ORC3: variants seen among roughly 807,000 people sequenced by gnomAD.
ORC3 encodes homolog of latheo, Drosophila.
In ORC3, 78 loss-of-function variants were observed where a neutral mutation model predicts 100.7. That is an observed-to-expected ratio of 0.77 (90% confidence interval 0.65 to 0.94). The LOEUF (loss-of-function observed/expected upper bound fraction) is 0.94, where lower values mean the gene tolerates loss of function less well. Among genes scored for constraint, ORC3 ranks in the 40% least tolerant of loss-of-function variants. ORC3 has a pLI of 0.00. For missense variants in ORC3, 789 were observed against 823.9 expected (o/e 0.96, Z 0.52); for synonymous variants, 295 against 289.3 (o/e 1.02, Z -0.20).
At chr6:87,591,792 C>T (rs1269485988) in intron 1 of ORC3, among the ~76,000 whole-genome samples, 5 of 152,038 alleles carry the variant, frequency 3.3e-5, no homozygotes, top group Non-Finnish European at 5.9e-5. Flanking sequence ...AGTGCAGTGG[C>T]GCGATCTCGG....
chr6:87,673,299 T>G, the ORC3 span, among the ~76,000 whole-genome samples: 1 of 151,806 alleles, frequency 6.6e-6, no homozygotes, highest in African/African-American at 2.4e-5. Flanking sequence ...TAGCTGGGAC[T>G]ACAGGCTATC....
chr6:87,611,578 G>A lies in ORC3; in HGVS notation c.714-511G>A, dbSNP rs964910478. Among the ~76,000 whole-genome samples, 66 of 152,260 alleles carry A rather than the reference G, an allele frequency of 4.3e-4. 1 individual carries two copies. Among genetic ancestry groups the A allele is most frequent in the African/African-American group, 1.6e-3 (65 of 41,562 alleles). ...GAAGTGGGTGGATCACATGAAGTCA[G>A]GAGTTTGAGACCAGCCTGACCAATA... On this transcript the variant is annotated intron_variant, in intron 7 of 19. Coordinates refer to ENST00000392844, the MANE Select transcript of ORC3 (RefSeq NM_012381.4).
chr6:87,630,107 C>G (rs528484292), intron 11 of ORC3, among the ~76,000 whole-genome samples: 1 of 152,206 alleles, frequency 6.6e-6, no homozygotes, highest in Admixed American at 6.5e-5. Flanking sequence ...CCACATCCAG[C>G]AAGACAAAAT....
intron 8 of ORC3, among the ~76,000 whole-genome samples, chr6:87,613,886 T>A (rs908657906): frequency 6.6e-6 from 1 of 152,196 alleles, no homozygotes; most frequent in East Asian, 1.9e-4. Context: ...CTTCATGGGC[T>A]GGTGTTAAGT....
intron 9 of ORC3, 125 bp downstream of exon 9, chr6:87,616,552 A>C (rs1779166498): frequency 2.0e-6 from 1 of 503,986 alleles, no homozygotes; most frequent in African/African-American, 1.9e-5. Context: ...AATTCCAGTT[A>C]TTTTATTCTA....
chr6:87,653,177 T>TA lies in ORC3; in HGVS notation c.1445dup (p.Tyr482Ter). 6.2e-7 allele frequency: 1 copy of TA among 1,613,748 alleles called. No homozygotes were observed. Among genetic ancestry groups the TA allele is most frequent in the Non-Finnish European group, 8.5e-7 (1 of 1,179,652 alleles). ...LEKCFKVFKS[Y>*]CENHLGSTAK... ...GAAATGTTTCAAGGTTTTTAAGTCTTATTGTGAAAACCACCTTGGCAGCAC... is the reference window on the plus strand; with the variant it reads ...GAAATGTTTCAAGGTTTTTAAGTCTTAATTGTGAAAACCACCTTGGCAGCAC... Residue 482 changes from tyrosine (Y) to a stop codon, truncating the protein, a stop_gained and frameshift_variant, in exon 14 of 20, where the codon TAT (tyrosine) becomes TAAT (stop). Transcript: ENST00000392844. LOFTEE classifies it high-confidence loss of function.
chr6:87,644,847 C>CA (rs754822101), intron 13 of ORC3, among the ~76,000 whole-genome samples: 5,490 of 136,534 alleles, frequency 0.04, 178 homozygotes, highest in African/African-American at 0.097. Flanking sequence ...AGACTCCATC[C>CA]AAAAAAAAAA....
In ORC3 at chr6:87,608,301, TTAAGTAAAGTATGTTAGACAAACAGA is replaced by T. The variant is rs1778495396; in HGVS notation, c.579+486_579+511del. On this transcript the variant is annotated intron_variant, in intron 6 of 19. Coordinates refer to ENST00000392844, the MANE Select transcript of ORC3 (RefSeq NM_012381.4). ...AGAGTTCTTAGGGAATCAGTGTTCTTTAAGTAAAGTATGTTAGACAAACAGATAAGTAAAAAGAAGTTCCATTCTAC... is the reference window on the plus strand; with the variant it reads ...AGAGTTCTTAGGGAATCAGTGTTCTTTAAGTAAAAAGAAGTTCCATTCTAC... Among the ~76,000 whole-genome samples, 8 of 152,330 alleles carry T rather than the reference TTAAGTAAAGTATGTTAGACAAACAGA, an allele frequency of 5.3e-5. No individual in the cohort carries two copies. The South Asian group carries it at 1.7e-3, about 32-fold the overall frequency.
chr6:87,603,256 A>G (rs1778097652), intron 3 of ORC3, 128 bp from the exon 4 acceptor site: 4 of 530,376 alleles, frequency 7.5e-6, no homozygotes, highest in East Asian at 3.0e-5. Flanking sequence ...AGGAAAAAAC[A>G]TTTTTTAATT....
In ORC3 at chr6:87,663,111, T is replaced by C. The variant is rs1770329126; in HGVS notation, c.1800T>C (p.His600=). Residue 600 remains histidine, a synonymous_variant, in exon 17 of 20, where the codon CAT becomes CAC. Coordinates refer to ENST00000392844, the MANE Select transcript of ORC3 (RefSeq NM_012381.4). ...HLNAAPRIAL[H]TALNNPYYYL... is the part of the protein sequence containing the mutation. ...ATGCTGCTCCGCGAATTGCCCTCCA[T>C]ACTGCACTCAACAATCCTTACTATT... 6.2e-7 allele frequency: 1 copy of C among 1,612,860 alleles called. No individual in the cohort carries two copies. Among genetic ancestry groups the C allele is most frequent in the African/African-American group, 1.3e-5 (1 of 74,890 alleles).
intron 11 of ORC3, among the ~76,000 whole-genome samples, chr6:87,622,349 G>A (rs1399577373): frequency 6.6e-6 from 1 of 152,052 alleles, no homozygotes; most frequent in East Asian, 1.9e-4. Flanking sequence ...TCGTTGTAAT[G>A]TTCTTTTTAA....
At chr6:87,639,747 A>G (rs186650142) in intron 13 of ORC3, among the ~76,000 whole-genome samples, 63 of 149,618 alleles carry the variant, frequency 4.2e-4, no homozygotes, top group Non-Finnish European at 6.8e-4. Flanking sequence ...TGGGAGGCCA[A>G]GGTGGGCGGA....
chr6:87,643,873 A>G (rs548478282), intron 13 of ORC3, among the ~76,000 whole-genome samples: 1 of 152,216 alleles, frequency 6.6e-6, no homozygotes, highest in African/African-American at 2.4e-5. Context: ...ATCCTCCCAT[A>G]TATTTTAAAT....
At chr6:87,611,135 C>A (rs1279210974) in intron 7 of ORC3, among the ~76,000 whole-genome samples, 3 of 151,686 alleles carry the variant, frequency 2.0e-5, no homozygotes, top group African/African-American at 7.3e-5. Context: ...TGGGGTTTTG[C>A]CGTGTTGCCC....
intron 16 of ORC3, among the ~76,000 whole-genome samples, chr6:87,658,390 G>A (rs1273180222): frequency 2.0e-5 from 3 of 151,516 alleles, no homozygotes; most frequent in Admixed American, 2.0e-4. Flanking sequence ...CCAGGAGGCG[G>A]AGCTTGCAGT....
At chr6:87,651,669 G>T (rs1769280081) in intron 13 of ORC3, among the ~76,000 whole-genome samples, 1 of 152,160 alleles carries the variant, frequency 6.6e-6, no homozygotes, top group African/African-American at 2.4e-5. Context: ...GCCATATTTA[G>T]TGGTTGTCTA....
chr6:87,640,400 G>A (rs560182406), intron 13 of ORC3, among the ~76,000 whole-genome samples: 9 of 152,316 alleles, frequency 5.9e-5, no homozygotes, highest in Admixed American at 2.0e-4. Flanking sequence ...GAGCATGCAA[G>A]TGTTCATTTA....
At chr6:87,605,542 C>G (rs982698061) in intron 4 of ORC3, among the ~76,000 whole-genome samples, 6 of 151,718 alleles carry the variant, frequency 4.0e-5, no homozygotes, top group African/African-American at 1.5e-4. Context: ...TCCAGCTACT[C>G]AGGAGGCTGA....
intron 13 of ORC3, among the ~76,000 whole-genome samples, chr6:87,639,459 A>C (rs1192939609): frequency 6.6e-6 from 1 of 152,148 alleles, no homozygotes; most frequent in Non-Finnish European, 1.5e-5. Context: ...CTCCCAGCAC[A>C]AAGTTGCATT....
Sources: gnomAD v4.1 joint callset for allele counts (sites outside exome capture counted in the v4.1 genomes callset) on GRCh38, gnomAD v4.1.1 for gene constraint, MANE v1.5 for transcripts, NCBI Gene and HGNC (gene_info 2026-07-23, HGNC 2026-07-21) for gene names.